Variants in MBD5 observed in about 807,000 individuals in gnomAD.
The protein encoded by MBD5 is methyl-CpG-binding domain protein 5.
Under a neutral mutation model 117.3 loss-of-function variants are expected in MBD5, and 13 were observed. That is an observed-to-expected ratio of 0.11 (90% confidence interval 0.07 to 0.18). The LOEUF (loss-of-function observed/expected upper bound fraction) is 0.18, where lower values mean the gene tolerates loss of function less well. Among genes scored for constraint, MBD5 ranks in the 10% least tolerant of loss-of-function variants. The pLI, the probability that MBD5 is intolerant of heterozygous loss-of-function variation, is 1.00. For synonymous variants in MBD5, 727 were observed against 766.4 expected, an observed-to-expected ratio of 0.95 and a Z score of 0.85; for missense variants, 1,879 against 2,093.8, an observed-to-expected ratio of 0.90 and a Z score of 2.00.
chr2:148,276,830 G>A (rs925663204), intron 3 of MBD5, among the ~76,000 whole-genome samples: 8 of 151,992 alleles, frequency 5.3e-5, no homozygotes, highest in African/African-American at 1.9e-4. Context: ...GTTTTTATAT[G>A]TATGATGACT....
At chr2:148,025,801 C>T (rs1265812610) in intron 1 of MBD5, 4 of 152,074 alleles carry the variant, frequency 2.6e-5, no homozygotes, top group African/African-American at 9.7e-5. Flanking sequence ...AATATCATTG[C>T]AAAATCCTCA....
At chr2:148,067,328 A>G (rs1370762263) in intron 1 of MBD5, among the ~76,000 whole-genome samples, 4 of 152,234 alleles carry the variant, frequency 2.6e-5, no homozygotes, top group Non-Finnish European at 5.9e-5. Context: ...TGTTAGTGAC[A>G]ATAATAACTA....
chr2:148,437,318 T>A (rs1321585414), intron 4 of MBD5, among the ~76,000 whole-genome samples: 1 of 152,130 alleles, frequency 6.6e-6, no homozygotes, highest in African/African-American at 2.4e-5. Context: ...CTGGCCTTTT[T>A]AAATCTTGGG....
At chr2:148,171,481 A>G (rs1222759877) in intron 1 of MBD5, among the ~76,000 whole-genome samples, 1 of 152,244 alleles carries the variant, frequency 6.6e-6, no homozygotes, top group Non-Finnish European at 1.5e-5. Context: ...ACTCAACACA[A>G]TAAAGACTAT....
chr2:148,189,028 C>A (rs374077993), intron 2 of MBD5, among the ~76,000 whole-genome samples: 5 of 146,226 alleles, frequency 3.4e-5, no homozygotes, highest in Non-Finnish European at 7.5e-5. Flanking sequence ...CACTCCCACC[C>A]GAATATTGCG....
At chr2:148,232,957 C>T (rs577542824) in intron 2 of MBD5, among the ~76,000 whole-genome samples, 76 of 152,140 alleles carry the variant, frequency 5.0e-4, no homozygotes, top group South Asian at 2.9e-3. Flanking sequence ...GTAAAAAGAA[C>T]TGTTTTCTCA....
In MBD5 at chr2:148,021,347, A is replaced by T; in HGVS notation, c.-1262A>T. On this transcript the variant is annotated 5_prime_UTR_variant, in exon 1 of 14. Coordinates refer to ENST00000642680, the MANE Select transcript of MBD5 (RefSeq NM_001378120.1). ...TCGAAAACCCCCATCCACGACTCCT[A>T]CCCCCTCACCCCTCCAACTCGCCTC... 2.7e-6 allele frequency: 1 copy of T among 363,780 alleles called. No homozygotes were observed. The highest frequency in any genetic ancestry group is 5.5e-6 in the Non-Finnish European group (1 of 180,468). 22.5% of individuals were successfully genotyped at this position (363,780 alleles called of 1,614,324 possible). A position where few individuals can be genotyped will look rare whatever the true frequency, so the allele number is the denominator to read the frequency against.
chr2:148,434,506 G>A (rs1312144459), intron 4 of MBD5, among the ~76,000 whole-genome samples: 4 of 151,254 alleles, frequency 2.6e-5, no homozygotes, highest in South Asian at 2.1e-4. Context: ...TGATTATTTC[G>A]TTATTTACCT....
intron 2 of MBD5, among the ~76,000 whole-genome samples, chr2:148,225,359 T>A (rs1320622586): frequency 6.6e-6 from 1 of 152,162 alleles, no homozygotes; most frequent in Non-Finnish European, 1.5e-5. Context: ...CATCCCCCTG[T>A]TTTTTTGACT....
intron 1 of MBD5, among the ~76,000 whole-genome samples, chr2:148,139,473 A>C (rs920081710): frequency 6.6e-6 from 1 of 152,102 alleles, no homozygotes; most frequent in African/African-American, 2.4e-5. Context: ...AGGCCTCCGA[A>C]AGCGCTGGGA....
At chr2:148,371,895 A>G (rs1468130568) in intron 4 of MBD5, among the ~76,000 whole-genome samples, 1 of 152,146 alleles carries the variant, frequency 6.6e-6, no homozygotes, top group East Asian at 1.9e-4. Context: ...GTGATTGAAT[A>G]CACTATTGAA....
intron 1 of MBD5, among the ~76,000 whole-genome samples, chr2:148,085,067 C>T (rs937221445): frequency 3.3e-5 from 5 of 152,152 alleles, no homozygotes; most frequent in African/African-American, 7.2e-5. Flanking sequence ...ATCCCCTGTG[C>T]CACATTTGTG....
At chr2:148,453,003 GCA>G (rs1706774490) in intron 4 of MBD5, among the ~76,000 whole-genome samples, 4 of 152,198 alleles carry the variant, frequency 2.6e-5, no homozygotes, top group Admixed American at 2.6e-4. Context: ...ATTAGAATAT[GCA>G]CAGTCTTTCA....
In MBD5 at chr2:148,469,157, G is replaced by C. The variant is rs1361548924; in HGVS notation, c.1214G>C (p.Ser405Thr). 6.2e-7 allele frequency: 1 copy of C among 1,613,884 alleles called. No homozygotes were observed. Among genetic ancestry groups the C allele is most frequent in the African/African-American group, 1.3e-5 (1 of 74,874 alleles). Residue 405 changes from serine to threonine, a missense_variant, in exon 8 of 14, where the codon AGT becomes ACT. By Grantham distance (58) the Ser-to-Thr change is moderately conservative (BLOSUM62 1). Coordinates refer to ENST00000642680, the MANE Select transcript of MBD5 (RefSeq NM_001378120.1). Reference protein sequence around the residue: ...SMPPAVVPLPSNLPLPTVKPG... With the variant: ...SMPPAVVPLPTNLPLPTVKPG... ...CCTCCTGCTGTTGTTCCTTTGCCAA[G>C]TAATCTCCCATTGCCAACTGTAAAA... is the stretch of plus-strand genomic sequence containing the variant.
intron 4 of MBD5, among the ~76,000 whole-genome samples, chr2:148,457,458 C>T (rs566921308): frequency 6.6e-6 from 1 of 152,202 alleles, no homozygotes; most frequent in East Asian, 1.9e-4. Flanking sequence ...TAAAAATTTA[C>T]TTGCCATGAT....
chr2:148,125,095 G>A (rs1430886028), intron 1 of MBD5, among the ~76,000 whole-genome samples: 1 of 151,734 alleles, frequency 6.6e-6, no homozygotes, highest in Non-Finnish European at 1.5e-5. Context: ...ATTCTAAGAC[G>A]AACTTTCTTC....
At position 148,349,989 on chromosome 2, in the gene MBD5, T is replaced by C. The variant is rs191173567; in HGVS notation, c.-557+7653T>C. ...ACCAAGGCTTTTGTTTAGGTAAACA[T>C]TTATCTTAACACTGGAGCTTCGGAA... is the stretch of plus-strand genomic sequence containing the variant. On this transcript the variant is annotated intron_variant, in intron 4 of 13. Coordinates refer to ENST00000642680, the MANE Select transcript of MBD5 (RefSeq NM_001378120.1). Among the ~76,000 whole-genome samples, 362 of 152,080 alleles carry C rather than the reference T, an allele frequency of 2.4e-3. 5 individuals carry two copies. The highest frequency in any genetic ancestry group is 0.02 in the Admixed American group (299 of 15,230).
chr2:148,142,970 C>G (rs571597971), intron 1 of MBD5, among the ~76,000 whole-genome samples: 2 of 152,274 alleles, frequency 1.3e-5, no homozygotes, highest in South Asian at 4.1e-4. Flanking sequence ...ATAATACAGA[C>G]ATTGACCATT....
chr2:148,101,279 C>T (rs1696209551), intron 1 of MBD5, among the ~76,000 whole-genome samples: 1 of 151,780 alleles, frequency 6.6e-6, no homozygotes, highest in Non-Finnish European at 1.5e-5. Context: ...AGTGAGACCC[C>T]ATTTCTAAAC....
Sources: gnomAD v4.1 joint callset for allele counts (sites outside exome capture counted in the v4.1 genomes callset) on GRCh38, gnomAD v4.1.1 for gene constraint, MANE v1.5 for transcripts, NCBI Gene and HGNC (gene_info 2026-07-23, HGNC 2026-07-21) for gene names.